Variants in ATE1 observed in about 807,000 individuals in gnomAD.
The protein encoded by ATE1 is arginyl-tRNA--protein transferase 1.
ATE1 carries 36 observed loss-of-function variants against 70.5 expected under a neutral mutation model. The observed-to-expected ratio is 0.51, with a 90% CI of 0.39 to 0.67. The LOEUF is 0.67. Among genes scored for constraint, ATE1 ranks in the 30% least tolerant of loss-of-function variants. The pLI is 0.00. For missense variants in ATE1, 593 were observed against 629.5 expected (o/e 0.94, Z 0.62); for synonymous variants, 232 against 219.3 (o/e 1.06, Z -0.51).
intron 8 of ATE1, among the ~76,000 whole-genome samples, chr10:121,851,733 A>C (rs1949064114): frequency 6.6e-6 from 1 of 152,248 alleles, no homozygotes; most frequent in Non-Finnish European, 1.5e-5. Context: ...ACCAGTCTGC[A>C]GTTTTGCATA....
At chr10:121,927,290 C>A in intron 1 of ATE1, 1 of 984,990 alleles carries the variant, frequency 1.0e-6, no homozygotes, top group African/African-American at 1.7e-5. Context: ...AAACAGAATC[C>A]CTCGCCGGTA....
chr10:121,824,242 G>C (rs181925653), intron 10 of ATE1, among the ~76,000 whole-genome samples: 16 of 152,288 alleles, frequency 1.1e-4, no homozygotes, highest in Admixed American at 9.2e-4. Context: ...CCAGTATTTT[G>C]TCCTGTGCTG....
intron 10 of ATE1, among the ~76,000 whole-genome samples, chr10:121,828,769 C>T (rs553554866): frequency 2.0e-5 from 3 of 152,326 alleles, no homozygotes; most frequent in Middle Eastern, 3.4e-3. Flanking sequence ...CACATAAAGA[C>T]AGACACATCA....
intron 10 of ATE1, among the ~76,000 whole-genome samples, chr10:121,831,030 C>T (rs1426350803): frequency 1.3e-5 from 2 of 152,138 alleles, no homozygotes; most frequent in African/African-American, 4.8e-5. Context: ...GAATGAAACA[C>T]TATAATTCCT....
In ATE1 at chr10:121,895,023, C is replaced by T. The variant is rs1057029319; in HGVS notation, c.942+4843G>A. ...TGCAAATCAAAACCATAATGAGACA[C>T]CACTTTACACATGCTACAAGTAATA... On this transcript the variant is annotated intron_variant, in intron 7 of 11. Transcript: ENST00000224652. Among the ~76,000 whole-genome samples, 6 of 152,138 alleles carry T rather than the reference C, an allele frequency of 3.9e-5. No individual in the cohort carries two copies. In the East Asian group the frequency reaches 1.2e-3, roughly 29 times the overall value.
At chr10:121,821,360 T>C (rs1393858986) in intron 10 of ATE1, among the ~76,000 whole-genome samples, 2 of 152,164 alleles carry the variant, frequency 1.3e-5, no homozygotes, top group East Asian at 1.9e-4. Flanking sequence ...AAATTTCTGC[T>C]CATCAAAAGA....
intron 8 of ATE1, among the ~76,000 whole-genome samples, chr10:121,860,105 C>G (rs1949415800): frequency 1.3e-5 from 2 of 152,090 alleles, no homozygotes; most frequent in Admixed American, 1.3e-4. Context: ...TGGCTTTGGT[C>G]ATAATATCTA....
intron 11 of ATE1, among the ~76,000 whole-genome samples, chr10:121,779,925 T>C (rs1945909856): frequency 6.6e-6 from 1 of 152,204 alleles, no homozygotes; most frequent in African/African-American, 2.4e-5. Flanking sequence ...TTCCTGTGGC[T>C]TTCTTGATCC....
chr10:121,855,155 C>G (rs1949198615), intron 8 of ATE1, among the ~76,000 whole-genome samples: 1 of 152,168 alleles, frequency 6.6e-6, no homozygotes, highest in African/African-American at 2.4e-5. Context: ...CTCCCAGGCC[C>G]CCTCTCTGCT....
intron 7 of ATE1, among the ~76,000 whole-genome samples, chr10:121,871,033 T>C (rs1949837431): frequency 6.6e-6 from 1 of 152,218 alleles, no homozygotes; most frequent in Non-Finnish European, 1.5e-5. Flanking sequence ...TCGCAGGGAA[T>C]ACAAATAACT....
At position 121,899,989 on chromosome 10, in the gene ATE1, C is replaced by T. The variant is rs779889930; in HGVS notation, c.819G>A (p.Arg273=). 2.5e-6 allele frequency: 4 copies of T among 1,612,454 alleles called. No individual in the cohort carries two copies. The highest frequency in any genetic ancestry group is 1.6e-4 in the Middle Eastern group (1 of 6,076). The change falls in exon 7 of 12, where the codon AGG becomes AGA. Residue 273 remains arginine, a synonymous_variant. Coordinates refer to ENST00000224652, the MANE Select transcript of ATE1 (RefSeq NM_001001976.3). ...PENASHKLEV[R]VVRSSPPSSQ... ...AACTTGGTGGAGATGATCTCACCAC[C>T]CTCACCTTCAGAAGCAGTTAAAAAA...
intron 11 of ATE1, among the ~76,000 whole-genome samples, chr10:121,762,989 T>C (rs1945117351): frequency 6.6e-6 from 1 of 152,206 alleles, no homozygotes; most frequent in African/African-American, 2.4e-5. Flanking sequence ...TTGATGATGT[T>C]AACTGAAGAC....
intron 10 of ATE1, among the ~76,000 whole-genome samples, chr10:121,832,275 C>A (rs1041512723): frequency 6.6e-6 from 1 of 152,140 alleles, no homozygotes; most frequent in Non-Finnish European, 1.5e-5. Flanking sequence ...CCATTTTATT[C>A]AGAATAAATA....
At chr10:121,824,837 A>G (rs1306622383) in intron 10 of ATE1, among the ~76,000 whole-genome samples, 2 of 152,166 alleles carry the variant, frequency 1.3e-5, no homozygotes, top group Non-Finnish European at 2.9e-5. Flanking sequence ...TATATACTCT[A>G]ATTTTCATTT....
At chr10:121,774,119 CA>C (rs1176779122) in intron 11 of ATE1, among the ~76,000 whole-genome samples, 51 of 152,264 alleles carry the variant, frequency 3.3e-4, no homozygotes, top group African/African-American at 1.2e-3. Context: ...AGTGGTTGAT[CA>C]GCTTCGTTGC....
At chr10:121,886,873 A>T (rs973706062) in intron 7 of ATE1, among the ~76,000 whole-genome samples, 1 of 152,184 alleles carries the variant, frequency 6.6e-6, no homozygotes. Flanking sequence ...GTCTTTGCCT[A>T]ATTGGAGAAT....
chr10:121,927,305 C>T, intron 1 of ATE1: 1 of 985,132 alleles, frequency 1.0e-6, no homozygotes. Flanking sequence ...CCGGTAGCGA[C>T]CGCGGTCACC....
intron 3 of ATE1, among the ~76,000 whole-genome samples, chr10:121,916,315 C>T (rs376332747): frequency 2.6e-5 from 4 of 152,062 alleles, no homozygotes; most frequent in African/African-American, 7.2e-5. Context: ...AGAATATCAC[C>T]GCACTTCTCA....
At chr10:121,849,186 G>A (rs992126792) in intron 8 of ATE1, among the ~76,000 whole-genome samples, 1 of 146,802 alleles carries the variant, frequency 6.8e-6, no homozygotes, top group African/African-American at 2.5e-5. Flanking sequence ...ACTCCAGCCT[G>A]GGTGACAGGA....
Sources: gnomAD v4.1 joint callset for allele counts (sites outside exome capture counted in the v4.1 genomes callset) on GRCh38, gnomAD v4.1.1 for gene constraint, MANE v1.5 for transcripts, NCBI Gene and HGNC (gene_info 2026-07-23, HGNC 2026-07-21) for gene names.